Variants in PCCA observed in about 807,000 individuals in gnomAD.
The protein encoded by PCCA is propionyl-CoA carboxylase alpha chain, mitochondrial.
In PCCA, 74 loss-of-function variants were observed where a neutral mutation model predicts 101.3. The ratio of observed to expected loss-of-function variants is 0.73; its 90% CI spans 0.61 to 0.89. PCCA has a LOEUF of 0.89. Among genes scored for constraint, PCCA ranks in the 40% least tolerant of loss-of-function variants. The pLI is 0.00. For missense variants in PCCA, 891 were observed against 907.0 expected, an observed-to-expected ratio of 0.98 and a Z score of 0.23; for synonymous variants, 294 against 313.6, an observed-to-expected ratio of 0.94 and a Z score of 0.66.
At chr13:100,507,091 A>G (rs1412761223) in intron 21 of PCCA, among the ~76,000 whole-genome samples, 1 of 152,216 alleles carries the variant, frequency 6.6e-6, no homozygotes, top group African/African-American at 2.4e-5. Context: ...ATGGCTTTCA[A>G]AGATCTATAA....
chr13:100,286,381 C>T (rs979997114), intron 12 of PCCA, among the ~76,000 whole-genome samples: 4 of 151,984 alleles, frequency 2.6e-5, no homozygotes, highest in Admixed American at 1.3e-4. Context: ...AGGGTTAGAC[C>T]GCAGAGGCTA....
intron 19 of PCCA, among the ~76,000 whole-genome samples, chr13:100,410,323 A>T (rs1465446006): frequency 6.6e-6 from 1 of 151,874 alleles, no homozygotes; most frequent in Non-Finnish European, 1.5e-5. Flanking sequence ...GCTCACTGCA[A>T]CCTCCACCTC....
intron 14 of PCCA, among the ~76,000 whole-genome samples, chr13:100,304,114 A>C (rs1371817385): frequency 6.6e-6 from 1 of 152,210 alleles, no homozygotes; most frequent in Non-Finnish European, 1.5e-5. Context: ...GACCTGTTGA[A>C]AGTACAAGTG....
intron 7 of PCCA, among the ~76,000 whole-genome samples, chr13:100,228,246 C>G (rs1007441019): frequency 1.3e-5 from 2 of 152,056 alleles, no homozygotes; most frequent in South Asian, 2.1e-4. Flanking sequence ...GAACTCCTGA[C>G]CTCAGATGAT....
chr13:100,130,732 G>A (rs936878309), intron 4 of PCCA, among the ~76,000 whole-genome samples: 1 of 152,064 alleles, frequency 6.6e-6, no homozygotes, highest in African/African-American at 2.4e-5. Context: ...TTTTGTAAAG[G>A]GGACTTTATA....
intron 20 of PCCA, among the ~76,000 whole-genome samples, chr13:100,430,953 G>A (rs1228680221): frequency 1.3e-5 from 2 of 152,240 alleles, no homozygotes; most frequent in African/African-American, 4.8e-5. Context: ...ACCCAATAAA[G>A]TACGTACTAG....
intron 23 of PCCA, 52 bp from the exon 24 acceptor site, chr13:100,530,046 T>G (rs894951357): frequency 3.6e-6 from 5 of 1,405,482 alleles, no homozygotes; most frequent in Non-Finnish European, 5.0e-6. Context: ...GCCTCTTGGT[T>G]CTGGTTACTA....
At chr13:100,188,098 C>A (rs1431457242) in intron 6 of PCCA, among the ~76,000 whole-genome samples, 1 of 152,042 alleles carries the variant, frequency 6.6e-6, no homozygotes, top group African/African-American at 2.4e-5. Context: ...ATCGAGACCA[C>A]CCTGGCCAAC....
At chr13:100,108,332 A>G (rs561995908) in intron 2 of PCCA, among the ~76,000 whole-genome samples, 47 of 152,302 alleles carry the variant, frequency 3.1e-4, no homozygotes, top group Non-Finnish European at 4.9e-4. Flanking sequence ...TCTATCTTCA[A>G]GGATCCAGGA....
chr13:100,265,372 A>T (rs2152568286), intron 10 of PCCA, among the ~76,000 whole-genome samples: 1 of 152,226 alleles, frequency 6.6e-6, no homozygotes, highest in Non-Finnish European at 1.5e-5. Flanking sequence ...TATTGCAGTG[A>T]CCTTTTGTTG....
At chr13:100,143,755 T>C (rs1469035878) in intron 4 of PCCA, among the ~76,000 whole-genome samples, 2 of 151,940 alleles carry the variant, frequency 1.3e-5, no homozygotes, top group African/African-American at 4.8e-5. Flanking sequence ...TTTTTGTTGT[T>C]GTTGTTTGTT....
chr13:100,315,468 G>C (rs2067265959), intron 16 of PCCA, among the ~76,000 whole-genome samples: 1 of 152,154 alleles, frequency 6.6e-6, no homozygotes, highest in Non-Finnish European at 1.5e-5. Context: ...AGGCAGAAAA[G>C]GGAAGACAAT....
At chr13:100,118,123 AAG>A (rs1374002380) in intron 4 of PCCA, among the ~76,000 whole-genome samples, 1 of 147,918 alleles carries the variant, frequency 6.8e-6, no homozygotes, top group African/African-American at 2.6e-5. Context: ...CTCAAAAAAA[AAG>A]AAAAAAAAAA....
intron 19 of PCCA, among the ~76,000 whole-genome samples, chr13:100,415,309 A>C (rs564878310): frequency 6.6e-5 from 10 of 151,794 alleles, no homozygotes; most frequent in Admixed American, 1.3e-4. Context: ...CAACCCGCTG[A>C]TGTGGGCAAA....
rs879253804 is a variant in PCCA, at chr13:100,089,226, G to A, written c.105+1G>A. On this transcript the variant is annotated splice_donor_variant, in intron 1 of 23. Coordinates refer to ENST00000376285, the MANE Select transcript of PCCA (RefSeq NM_000282.4). LOFTEE classifies it high-confidence loss of function. Reference sequence around the variant, plus strand: ...GAGCGCGGCGCTGCGGACCCTGAAGGTGAGGAGCAACGGGGCCTCGCGGGT... The same window carrying A: ...GAGCGCGGCGCTGCGGACCCTGAAGATGAGGAGCAACGGGGCCTCGCGGGT... The A allele has an allele frequency of 2.0e-6, 3 of 1,510,330 alleles. No homozygotes were observed. Among genetic ancestry groups the A allele is most frequent in the African/African-American group, 1.4e-5 (1 of 69,896 alleles). The allele number at this position is 1,510,330 out of a possible 1,614,324, so 93.6% of individuals were successfully genotyped here.
At chr13:100,366,962 C>CT (rs1442668264) in intron 18 of PCCA, among the ~76,000 whole-genome samples, 12 of 151,958 alleles carry the variant, frequency 7.9e-5, no homozygotes, top group Non-Finnish European at 1.8e-4. Context: ...TTTTGTGACT[C>CT]TGATTTTTTT....
At chr13:100,382,735 G>A (rs1173591229) in intron 19 of PCCA, among the ~76,000 whole-genome samples, 1 of 151,996 alleles carries the variant, frequency 6.6e-6, no homozygotes, top group African/African-American at 2.4e-5. Flanking sequence ...ATGAAAAATC[G>A]CTAATTCAAC....
intron 6 of PCCA, among the ~76,000 whole-genome samples, chr13:100,179,076 CA>C (rs57393133): frequency 0.018 from 2,405 of 135,152 alleles, 87 homozygotes; most frequent in East Asian, 0.12. Flanking sequence ...GACTCCTTCT[CA>C]AAAAAAAAAA....
chr13:100,269,807 A>G (rs999725493), intron 11 of PCCA, among the ~76,000 whole-genome samples: 1 of 152,144 alleles, frequency 6.6e-6, no homozygotes, highest in Non-Finnish European at 1.5e-5. Flanking sequence ...TAAAAATTCA[A>G]CTCTATTTTA....
Sources: gnomAD v4.1 joint callset for allele counts (sites outside exome capture counted in the v4.1 genomes callset) on GRCh38, gnomAD v4.1.1 for gene constraint, MANE v1.5 for transcripts, NCBI Gene and HGNC (gene_info 2026-07-23, HGNC 2026-07-21) for gene names.